The following FBXO21 variants were observed in gnomAD, a reference collection of about 807,000 sequenced individuals.
FBXO21 encodes the protein F-box only protein 21.
In FBXO21, 32 loss-of-function variants were observed where a neutral mutation model predicts 76.6. That is an observed-to-expected ratio of 0.42 (90% CI 0.32 to 0.56). The LOEUF is 0.56. Among genes scored for constraint, FBXO21 ranks in the 20% least tolerant of loss-of-function variants. The pLI, the probability that FBXO21 is intolerant of heterozygous loss-of-function variation, is 0.16. For missense variants in FBXO21, 586 were observed against 797.3 expected, an observed-to-expected ratio of 0.73 and a Z score of 3.19; for synonymous variants, 328 against 311.5, an observed-to-expected ratio of 1.05 and a Z score of -0.56.
chr12:117,154,876 T>A (rs1955892146), intron 11 of FBXO21, among the ~76,000 whole-genome samples: 1 of 152,220 alleles, frequency 6.6e-6, no homozygotes, highest in African/African-American at 2.4e-5. Context: ...AGGTACAGCA[T>A]GATGGATGAA....
At chr12:117,175,037 G>A (rs1592890415) in intron 4 of FBXO21, among the ~76,000 whole-genome samples, 1 of 152,068 alleles carries the variant, frequency 6.6e-6, no homozygotes, top group Non-Finnish European at 1.5e-5. Flanking sequence ...CAGAAGTCAT[G>A]GACTAAAAAA....
chr12:117,166,428 G>A (rs1592882179), intron 8 of FBXO21, among the ~76,000 whole-genome samples: 1 of 152,160 alleles, frequency 6.6e-6, no homozygotes, highest in Non-Finnish European at 1.5e-5. Flanking sequence ...GGGAGGCTGT[G>A]CATGTGTAGG....
Position 117,174,236 on chromosome 12 carries a change from T to A in FBXO21, c.845A>T (p.Tyr282Phe). The change falls in exon 6 of 12, where the codon TAC (tyrosine) becomes TTC (phenylalanine). Residue 282 changes from tyrosine to phenylalanine, a missense_variant. Coordinates refer to ENST00000622495, the MANE Select transcript of FBXO21 (RefSeq NM_015002.3). ...CATATATAAGTTGAGGGCATTATAG[T>A]AATCCATTCGATTCCCCTTGAACTT... is the stretch of plus-strand genomic sequence containing the variant. ...QLKFKGNRMD[Y>F]YNALNLYMHQ... 1 of 1,613,082 alleles carries A rather than the reference T, an allele frequency of 6.2e-7. No individual in the cohort carries two copies. Among genetic ancestry groups the A allele is most frequent in the Non-Finnish European group, 8.5e-7 (1 of 1,179,010 alleles).
chr12:117,189,805 C>A (rs1043243704), intron 1 of FBXO21, among the ~76,000 whole-genome samples: 1 of 152,204 alleles, frequency 6.6e-6, no homozygotes, highest in Non-Finnish European at 1.5e-5. Context: ...AGGGAGTGTG[C>A]AGGGCCAGAT....
At chr12:117,158,538 G>T (rs1220175222) in intron 9 of FBXO21, among the ~76,000 whole-genome samples, 1 of 152,198 alleles carries the variant, frequency 6.6e-6, no homozygotes, top group Non-Finnish European at 1.5e-5. Flanking sequence ...ATGCTAAATT[G>T]CTTTAATCGA....
intron 8 of FBXO21, among the ~76,000 whole-genome samples, chr12:117,166,557 T>G (rs949955710): frequency 6.6e-6 from 1 of 152,230 alleles, no homozygotes; most frequent in Non-Finnish European, 1.5e-5. Context: ...AAACTATTAC[T>G]ATAATATAGT....
intron 11 of FBXO21, among the ~76,000 whole-genome samples, chr12:117,151,238 C>A (rs1432456957): frequency 6.6e-6 from 1 of 152,058 alleles, no homozygotes; most frequent in African/African-American, 2.4e-5. Context: ...GGAGGCGGGA[C>A]AGGAGCGGCA....
At chr12:117,155,566 G>A in intron 11 of FBXO21, 3 of 596,980 alleles carry the variant, frequency 5.0e-6, no homozygotes, top group Non-Finnish European at 6.0e-6. Context: ...TGGGAGCGGA[G>A]GCCCTGGGGG....
rs745313506 is a variant in FBXO21, at chr12:117,190,334, G to A, written c.123C>T (p.Ile41=). ...VNLPGEVLEY[I]LCCGSLTAAD... ...CGGCCGTCAGCGAGCCGCAGCACAGGATGTACTCCAGCACCTCACCCGGCA... is the reference window on the plus strand; with the variant it reads ...CGGCCGTCAGCGAGCCGCAGCACAGAATGTACTCCAGCACCTCACCCGGCA... Residue 41 remains isoleucine, a synonymous_variant, in exon 1 of 12, where the codon ATC becomes ATT. Coordinates refer to ENST00000622495, the MANE Select transcript of FBXO21 (RefSeq NM_015002.3). 2 of 1,543,610 alleles carry A rather than the reference G, an allele frequency of 1.3e-6. No homozygotes were observed. Among genetic ancestry groups the A allele is most frequent in the African/African-American group, 1.4e-5 (1 of 70,460 alleles).
chr12:117,152,784 ATGTCTG>A (rs1955859479), intron 11 of FBXO21, among the ~76,000 whole-genome samples: 1 of 152,240 alleles, frequency 6.6e-6, no homozygotes, highest in Non-Finnish European at 1.5e-5. Context: ...TAATTAGGTC[ATGTCTG>A]CAATATTCTT....
intron 9 of FBXO21, among the ~76,000 whole-genome samples, chr12:117,164,274 CT>C (rs538169408): frequency 0.042 from 5,308 of 126,482 alleles, 86 homozygotes; most frequent in Non-Finnish European, 0.061. Context: ...CTTTTCTTTT[CT>C]TTTTTTTTTT....
In FBXO21 at chr12:117,172,625, C is replaced by G. The variant is rs142755416; in HGVS notation, c.877-18G>C. 9.0e-4 allele frequency: 1,440 copies of G among 1,607,604 alleles called. 2 individuals are homozygous for G. Among genetic ancestry groups the G allele is most frequent in the Non-Finnish European group, 1.1e-3 (1,350 of 1,174,778 alleles). ...ATCAAAACCTAAAGCAGAAAAAATG[C>G]TTTTATTTCACTGGGATGAACTATA... On this transcript the variant is annotated intron_variant, in intron 6 of 11. Transcript: ENST00000622495.
rs772444974 is a variant in FBXO21 at position 117,167,067 on chromosome 12, C to T, written c.1024G>A (p.Asp342Asn). Residue 342 changes from aspartate (D) to asparagine (N), a missense_variant, in exon 8 of 12, where the codon GAC becomes AAC. By Grantham distance (23) the Asp-to-Asn change is conservative. This residue lies in a region of FBXO21 where 246 missense variants were observed against 356.8 expected (regional missense o/e 0.69). Transcript: ENST00000622495. Reference protein sequence around the residue: ...WCQGAEGATLDIFDYIYIDAF... With the variant: ...WCQGAEGATLNIFDYIYIDAF... Reference sequence around the variant, plus strand: ...TCTATGTAGATGTAGTCAAAGATGTCCAGGGTCGCCCTATCCAAAGAGCCA... The same window carrying T: ...TCTATGTAGATGTAGTCAAAGATGTTCAGGGTCGCCCTATCCAAAGAGCCA... The T allele has an allele frequency of 1.9e-6, 3 of 1,613,720 alleles. No individual in the cohort carries two copies. The East Asian group carries it at 6.7e-5, about 36-fold the overall frequency.
chr12:117,154,795 T>C (rs1352263971), intron 11 of FBXO21, among the ~76,000 whole-genome samples: 3 of 152,222 alleles, frequency 2.0e-5, no homozygotes, highest in African/African-American at 7.2e-5. Flanking sequence ...GAGGTTTTTA[T>C]ACATCCCATA....
In FBXO21 at chr12:117,156,410, T is replaced by C. The variant is rs142665117; in HGVS notation, c.1518-462A>G. Among the ~76,000 whole-genome samples, 195 of 152,186 alleles carry C rather than the reference T, an allele frequency of 1.3e-3. 2 individuals are homozygous for C. The highest frequency in any genetic ancestry group is 4.6e-3 in the African/African-American group (190 of 41,512). On this transcript the variant is annotated intron_variant, in intron 10 of 11. Transcript: ENST00000622495. ...AGACTAACAAATCCTGATCCAAACA[T>C]GTAAAAATATGAGACAACTGGGGAA...
chr12:117,146,259 A>G lies in FBXO21; in HGVS notation c.1694T>C (p.Val565Ala), dbSNP rs1229219619. The G allele has an allele frequency of 1.3e-5, 21 of 1,607,234 alleles. No individual in the cohort carries two copies. Among genetic ancestry groups the G allele is most frequent in the Non-Finnish European group, 1.8e-5 (21 of 1,177,956 alleles). Residue 565 changes from valine to alanine, a missense_variant, in exon 12 of 12, where the codon GTG becomes GCG. By Grantham distance (64) the Val-to-Ala change is moderately conservative. This residue lies in a region of FBXO21 where 164 missense variants were observed against 236.7 expected (regional missense o/e 0.69). Coordinates refer to ENST00000622495, the MANE Select transcript of FBXO21 (RefSeq NM_015002.3). ...AGGGTGTGAGATTTCTTGAGGCTCC[A>G]CGTTATATTCCAAGTTTTCTGTTGG... ...YAAQENLEYN[V>A]EPQEISHPDV...
chr12:117,161,408 C>A (rs143901210), intron 9 of FBXO21, among the ~76,000 whole-genome samples: 4 of 151,928 alleles, frequency 2.6e-5, no homozygotes, highest in Non-Finnish European at 4.4e-5. Context: ...AAAAGCCACA[C>A]GGAGGAGAGC....
At chr12:117,174,863 T>C in intron 4 of FBXO21, 66 bp from the exon 5 acceptor site, 3 of 1,534,672 alleles carry the variant, frequency 2.0e-6, no homozygotes, top group Middle Eastern at 1.8e-4. Context: ...TTTGCAATTT[T>C]ACCCTGGACA....
At chr12:117,187,749 T>C (rs948463000) in intron 2 of FBXO21, among the ~76,000 whole-genome samples, 1 of 152,154 alleles carries the variant, frequency 6.6e-6, no homozygotes, top group African/African-American at 2.4e-5. Context: ...GGACTAGAAA[T>C]GGAGGTTGCA....
Sources: allele counts gnomAD v4.1 joint callset (sites outside exome capture counted in the v4.1 genomes callset), GRCh38; gene constraint gnomAD v4.1.1; regional missense constraint gnomAD v4.1.1; transcripts MANE v1.5; gene names NCBI Gene and HGNC (gene_info 2026-07-23, HGNC 2026-07-21).